THSD7B: variants seen among roughly 807,000 people sequenced by gnomAD.
The protein encoded by THSD7B is thrombospondin type-1 domain-containing protein 7B.
A neutral mutation model predicts 213.6 loss-of-function variants in THSD7B; 138 were observed. The ratio of observed to expected loss-of-function variants is 0.65; its 90% CI spans 0.56 to 0.74. The LOEUF is 0.74. THSD7B is among the 30% of genes least tolerant of loss of function. THSD7B has a pLI of 0.00. For synonymous variants in THSD7B, 742 were observed against 687.0 expected (o/e 1.08, Z -1.25); for missense variants, 1,931 against 1,991.5 (o/e 0.97, Z 0.58).
chr2:137,485,664 C>T (rs898465464), intron 15 of THSD7B, among the ~76,000 whole-genome samples: 15 of 152,094 alleles, frequency 9.9e-5, no homozygotes, highest in African/African-American at 3.4e-4. Context: ...AAAGATACTC[C>T]TCGAGAAGTG....
chr2:137,303,503 T>C (rs1250951853), intron 12 of THSD7B, among the ~76,000 whole-genome samples: 1 of 151,232 alleles, frequency 6.6e-6, no homozygotes, highest in Non-Finnish European at 1.5e-5. Context: ...AGAATTAATG[T>C]GGTCCTCAAA....
intron 2 of THSD7B, 107 bp from the exon 3 acceptor site, chr2:137,056,313 A>G (rs541276974): frequency 2.8e-5 from 33 of 1,185,352 alleles, no homozygotes; most frequent in African/African-American, 2.6e-4. Flanking sequence ...CAAAATTCCT[A>G]ATTTCATACT....
intron 2 of THSD7B, among the ~76,000 whole-genome samples, chr2:136,976,664 C>T (rs1232944625): frequency 6.6e-6 from 1 of 151,516 alleles, no homozygotes; most frequent in African/African-American, 2.4e-5. Context: ...GATGGAGTCT[C>T]GCTCTGTCGC....
intron 20 of THSD7B, among the ~76,000 whole-genome samples, chr2:137,620,937 C>A (rs1473139250): frequency 1.3e-5 from 2 of 152,110 alleles, no homozygotes; most frequent in South Asian, 2.1e-4. Context: ...GTGGCAGACT[C>A]CAGAGAGGCT....
intron 13 of THSD7B, among the ~76,000 whole-genome samples, chr2:137,406,126 C>T (rs969399484): frequency 6.6e-6 from 1 of 152,168 alleles, no homozygotes; most frequent in Non-Finnish European, 1.5e-5. Context: ...TTGTCATGTG[C>T]TATCATGCCA....
At chr2:137,514,201 T>C (rs1225627779) in intron 15 of THSD7B, among the ~76,000 whole-genome samples, 1 of 152,206 alleles carries the variant, frequency 6.6e-6, no homozygotes, top group Admixed American at 6.5e-5. Flanking sequence ...CTACTGTTCC[T>C]GGGTGTATCT....
intron 2 of THSD7B, among the ~76,000 whole-genome samples, chr2:136,929,854 T>C (rs995783466): frequency 1.3e-5 from 2 of 152,204 alleles, no homozygotes; most frequent in Non-Finnish European, 2.9e-5. Context: ...TAGATGAAGA[T>C]GACCTTTATG....
At position 137,450,868 on chromosome 2, in the gene THSD7B, A is replaced by G. The variant is rs1334927927; in HGVS notation, c.2983A>G (p.Ile995Val). 18 of 1,608,098 alleles carry G rather than the reference A, an allele frequency of 1.1e-5. No individual in the cohort carries two copies. The highest frequency in any genetic ancestry group is 1.4e-5 in the Non-Finnish European group (17 of 1,177,632). The change falls in exon 15 of 28, where the codon ATT becomes GTT. Residue 995 changes from isoleucine to valine, a missense_variant. Transcript: ENST00000409968. ...AGGTTACATTCAAGAAAAATGTGTC[A>G]TTCCCTGCCCATTTGATTGCAAGTT... The part of the protein sequence containing the change: ...SSGYIQEKCV[I>V]PCPFDCKLSD...
rs75785330 is a variant in THSD7B at position 136,957,658 on chromosome 2, A to G, written c.139+75341A>G. ...TGCGATAGAAACAATCTGATTATGT[A>G]CATTTTAATACTTCATGTAGTATTA... is the stretch of plus-strand genomic sequence containing the variant. On this transcript the variant is annotated intron_variant, in intron 2 of 27. Coordinates refer to ENST00000409968, the MANE Select transcript of THSD7B (RefSeq NM_001316349.2). Among the ~76,000 whole-genome samples the G allele has an allele frequency of 5.7e-4, 87 of 152,286 alleles. 1 individual carries two copies. In the East Asian group the frequency reaches 0.016, roughly 28 times the overall value.
At chr2:137,055,726 C>T (rs961632657) in intron 2 of THSD7B, among the ~76,000 whole-genome samples, 14 of 152,176 alleles carry the variant, frequency 9.2e-5, no homozygotes, top group Non-Finnish European at 1.6e-4. Flanking sequence ...TTCAAGGATT[C>T]TAGGGGCAGA....
chr2:137,504,073 A>G (rs190940193), intron 15 of THSD7B, among the ~76,000 whole-genome samples: 4 of 151,516 alleles, frequency 2.6e-5, no homozygotes, highest in Admixed American at 2.6e-4. Flanking sequence ...GAAAAGAGAG[A>G]GAAAGTGAGC....
chr2:136,882,033 T>C, intron 1 of THSD7B, 111 bp from the exon 2 acceptor site: 1 of 745,552 alleles, frequency 1.3e-6, no homozygotes, highest in Non-Finnish European at 2.0e-6. Flanking sequence ...ACTATCTTCA[T>C]GCTAATGAAA....
intron 1 of THSD7B, among the ~76,000 whole-genome samples, chr2:136,843,712 C>G (rs1682952979): frequency 6.6e-6 from 1 of 152,102 alleles, no homozygotes; most frequent in African/African-American, 2.4e-5. Flanking sequence ...ACCTGATTTG[C>G]AGGTAAATGG....
At chr2:137,096,614 C>A (rs1688045169) in intron 4 of THSD7B, among the ~76,000 whole-genome samples, 1 of 152,174 alleles carries the variant, frequency 6.6e-6, no homozygotes, top group African/African-American at 2.4e-5. Flanking sequence ...CCTCACAGAA[C>A]CCTTCCTCGT....
chr2:137,663,459 T>C lies in THSD7B; in HGVS notation c.4535T>C (p.Val1512Ala). The change falls in exon 26 of 28, where the codon GTA becomes GCA. Residue 1512 changes from valine to alanine, a missense_variant. By Grantham distance (64) the Val-to-Ala change is moderately conservative. Transcript: ENST00000409968. ...GGTTTCCTGGATTACTGCATGAAAG[T>C]ACCAGGCTCAGAGGATAAAAAAGCT... Reference protein sequence around the residue: ...SNGFLDYCMKVPGSEDKKADV... With the variant: ...SNGFLDYCMKAPGSEDKKADV... 1.3e-6 allele frequency: 2 copies of C among 1,597,522 alleles called. No homozygotes were observed. The highest frequency in any genetic ancestry group is 1.7e-6 in the Non-Finnish European group (2 of 1,170,982).
intron 17 of THSD7B, among the ~76,000 whole-genome samples, chr2:137,609,920 G>C (rs556590344): frequency 3.0e-4 from 45 of 152,216 alleles, no homozygotes; most frequent in African/African-American, 1.1e-3. Context: ...AGATGGAGCT[G>C]AAAGGATTTG....
At chr2:137,432,655 A>C (rs1687210979) in intron 14 of THSD7B, among the ~76,000 whole-genome samples, 1 of 152,166 alleles carries the variant, frequency 6.6e-6, no homozygotes, top group Non-Finnish European at 1.5e-5. Flanking sequence ...TTTCAACCAC[A>C]CATTTCATGT....
chr2:137,049,520 C>CA (rs1418500604), intron 2 of THSD7B, among the ~76,000 whole-genome samples: 1 of 151,814 alleles, frequency 6.6e-6, no homozygotes, highest in East Asian at 1.9e-4. Flanking sequence ...AGTAGGTGTT[C>CA]AAAAAAACAA....
intron 2 of THSD7B, among the ~76,000 whole-genome samples, chr2:136,885,869 G>C (rs1683708463): frequency 6.6e-6 from 1 of 152,128 alleles, no homozygotes; most frequent in South Asian, 2.1e-4. Context: ...GTGGTAAGAA[G>C]GAAAAATGAG....
Sources: gnomAD v4.1 joint callset for allele counts (sites outside exome capture counted in the v4.1 genomes callset) on GRCh38, gnomAD v4.1.1 for gene constraint, MANE v1.5 for transcripts, NCBI Gene and HGNC (gene_info 2026-07-23, HGNC 2026-07-21) for gene names.